Variants in PTPRE observed in about 807,000 individuals in gnomAD.
PTPRE encodes receptor-type tyrosine-protein phosphatase epsilon.
PTPRE carries 51 observed loss-of-function variants against 102.0 expected under a neutral mutation model. The ratio of observed to expected loss-of-function variants is 0.50; its 90% confidence interval spans 0.40 to 0.63. The LOEUF (loss-of-function observed/expected upper bound fraction) is 0.63, where lower values mean the gene tolerates loss of function less well. Among genes scored for constraint, PTPRE ranks in the 30% least tolerant of loss-of-function variants. The pLI is 0.00. For missense variants in PTPRE, 752 were observed against 915.1 expected (o/e 0.82, Z 2.30); for synonymous variants, 345 against 348.2 (o/e 0.99, Z 0.10).
intron 1 of PTPRE, among the ~76,000 whole-genome samples, chr10:127,930,307 G>A (rs1293572197): frequency 6.6e-6 from 1 of 151,904 alleles, no homozygotes; most frequent in Non-Finnish European, 1.5e-5. Flanking sequence ...CCCTACCCTG[G>A]TATCCACTGA....
At position 128,022,503 on chromosome 10, in the gene PTPRE, A is replaced by T. The variant is rs1333129478; in HGVS notation, c.-7-18372A>T. On this transcript the variant is annotated intron_variant, in intron 2 of 20. Coordinates refer to ENST00000254667, the MANE Select transcript of PTPRE (RefSeq NM_006504.6). ...CCAGGGCCTGGCCTGCCCCGTGCTG[A>T]CTCCCCCAGTGAGAGGGAGGCACAC... Among the ~76,000 whole-genome samples the T allele has an allele frequency of 2.6e-5, 4 of 151,402 alleles. No homozygotes were observed. In the East Asian group the frequency reaches 5.9e-4, roughly 22 times the overall value.
chr10:128,082,195 C>CTCTCTCT (rs1554951767), intron 20 of PTPRE, among the ~76,000 whole-genome samples: 3 of 89,036 alleles, frequency 3.4e-5, no homozygotes, highest in Non-Finnish European at 6.5e-5. Flanking sequence ...TTTTCTCTTT[C>CTCTCTCT]TTTTTTTTTT....
intron 2 of PTPRE, among the ~76,000 whole-genome samples, chr10:128,029,414 G>A (rs1260192000): frequency 6.6e-6 from 1 of 152,164 alleles, no homozygotes; most frequent in Non-Finnish European, 1.5e-5. Context: ...CAGAAGAGTC[G>A]CCAGCCCATG....
intron 2 of PTPRE, among the ~76,000 whole-genome samples, chr10:128,030,653 T>C (rs1289500382): frequency 1.3e-5 from 2 of 152,090 alleles, no homozygotes; most frequent in Non-Finnish European, 2.9e-5. Context: ...AGAGTTGGCC[T>C]CTGCTTTGAG....
Position 128,077,749 on chromosome 10 carries a change from C to T in PTPRE, c.1858C>T (p.Gln620Ter). The T allele has an allele frequency of 1.2e-6, 2 of 1,607,524 alleles. No homozygotes were observed. Among genetic ancestry groups the T allele is most frequent in the South Asian group, 1.1e-5 (1 of 90,910 alleles). The change falls in exon 19 of 21, where the codon CAG (glutamine) becomes TAG (stop). Residue 620 changes from glutamine to a stop codon, truncating the protein, a stop_gained. Coordinates refer to ENST00000254667, the MANE Select transcript of PTPRE (RefSeq NM_006504.6). LOFTEE classifies it high-confidence loss of function. ...CGCAGCCGTGCAGAAGCAGCAGCAG[C>T]AGACAGGCAACCACCCCATCACCGT... is the stretch of plus-strand genomic sequence containing the variant. Reference protein sequence around the residue: ...LIAAVQKQQQQTGNHPITVHC... With the variant: ...LIAAVQKQQQ
chr10:128,002,228 T>C (rs1158675534), intron 2 of PTPRE, among the ~76,000 whole-genome samples: 1 of 152,216 alleles, frequency 6.6e-6, no homozygotes, highest in Non-Finnish European at 1.5e-5. Context: ...CAGCTGACCC[T>C]GGACTGCTCC....
intron 1 of PTPRE, among the ~76,000 whole-genome samples, chr10:127,954,562 C>T (rs1378036393): frequency 2.0e-5 from 3 of 152,118 alleles, no homozygotes; most frequent in Non-Finnish European, 4.4e-5. Context: ...GGCTCATGCT[C>T]GTGGAATTCA....
rs192086187 is a variant in PTPRE, at chr10:128,075,352, G to T, written c.1600-1251G>T. On this transcript the variant is annotated intron_variant, in intron 17 of 20. Coordinates refer to ENST00000254667, the MANE Select transcript of PTPRE (RefSeq NM_006504.6). ...AGTTTTGTTACATAGGTATACATGT[G>T]CATGGTAGTTTGCTGCACCTGTCAA... 3.9e-5 allele frequency among the ~76,000 whole-genome samples: 6 copies of T among 152,266 alleles called. No individual in the cohort carries two copies. The East Asian group carries it at 1.2e-3, about 29-fold the overall frequency.
At chr10:128,064,940 G>A (rs1849930983) in intron 10 of PTPRE, among the ~76,000 whole-genome samples, 1 of 152,200 alleles carries the variant, frequency 6.6e-6, no homozygotes, top group Non-Finnish European at 1.5e-5. Flanking sequence ...CACCAACACT[G>A]AGCCCTTGAG....
At position 128,063,138 on chromosome 10, in the gene PTPRE, T is replaced by C; in HGVS notation, c.681T>C (p.Ser227=). 6.2e-7 allele frequency: 1 copy of C among 1,614,216 alleles called. No individual in the cohort carries two copies. Among genetic ancestry groups the C allele is most frequent in the African/African-American group, 1.3e-5 (1 of 75,058 alleles). The change falls in exon 10 of 21, where the codon TCT becomes TCC. Residue 227 remains serine (S), a synonymous_variant. Transcript: ENST00000254667. ...GGAGAATGGTCTGGGAGCAAAAGTCTGCGACCATCGTCATGTTAACAAACT... is the reference window on the plus strand; with the variant it reads ...GGAGAATGGTCTGGGAGCAAAAGTCCGCGACCATCGTCATGTTAACAAACT... ...DFWRMVWEQK[S]ATIVMLTNLK...
At chr10:128,078,439 A>G (rs1416636132) in intron 19 of PTPRE, among the ~76,000 whole-genome samples, 1 of 152,206 alleles carries the variant, frequency 6.6e-6, no homozygotes, top group East Asian at 1.9e-4. Flanking sequence ...CCTGCTGCAC[A>G]CTTCTGCTGG....
intron 1 of PTPRE, among the ~76,000 whole-genome samples, chr10:127,917,824 G>A (rs567571849): frequency 3.7e-4 from 56 of 152,092 alleles, no homozygotes; most frequent in Admixed American, 9.2e-4. Flanking sequence ...GAGGTCAGGA[G>A]TTCACAACTA....
chr10:128,042,563 G>A (rs1330929266), intron 3 of PTPRE, among the ~76,000 whole-genome samples: 8 of 152,176 alleles, frequency 5.3e-5, no homozygotes. Flanking sequence ...AGGGAAATGG[G>A]CCTCGGGTTA....
At chr10:128,065,647 G>A (rs533279626) in intron 10 of PTPRE, among the ~76,000 whole-genome samples, 1 of 152,282 alleles carries the variant, frequency 6.6e-6, no homozygotes, top group Admixed American at 6.5e-5. Flanking sequence ...TTAGTGAACT[G>A]AGCAGGAAAA....
chr10:128,069,835 A>G lies in PTPRE; in HGVS notation c.1143+8A>G, dbSNP rs143308236. 4 of 1,614,262 alleles carry G rather than the reference A, an allele frequency of 2.5e-6. No individual in the cohort carries two copies. Among genetic ancestry groups the G allele is most frequent in the Non-Finnish European group, 3.4e-6 (4 of 1,180,050 alleles). On this transcript the variant is annotated splice_region_variant and intron_variant, in intron 13 of 20. Transcript: ENST00000254667. ...CAGATGGTTCAAACGGATGTGAGTC[A>G]TGCCTTCCTCTTGCCCTGATCTAGC...
intron 2 of PTPRE, among the ~76,000 whole-genome samples, chr10:128,005,637 G>T (rs1246426236): frequency 6.6e-6 from 1 of 152,244 alleles, no homozygotes; most frequent in East Asian, 1.9e-4. Flanking sequence ...ACACCTCTGG[G>T]CGTCCCCGAG....
intron 2 of PTPRE, chr10:127,999,473 T>G (rs1219649233): frequency 2.2e-6 from 2 of 921,916 alleles, no homozygotes; most frequent in African/African-American, 1.8e-5. Flanking sequence ...TGAATCCAAC[T>G]CGTCCTGGGA....
chr10:127,984,243 G>T (rs1382863325), intron 2 of PTPRE, among the ~76,000 whole-genome samples: 1 of 151,774 alleles, frequency 6.6e-6, no homozygotes, highest in Non-Finnish European at 1.5e-5. Context: ...CACCATGTCT[G>T]GCTAATTTTG....
intron 1 of PTPRE, among the ~76,000 whole-genome samples, chr10:127,921,832 G>T (rs907300923): frequency 2.6e-5 from 4 of 152,306 alleles, no homozygotes; most frequent in Admixed American, 6.5e-5. Flanking sequence ...CCCAGAATGA[G>T]GTCAGGACTT....
Sources: allele counts gnomAD v4.1 joint callset (sites outside exome capture counted in the v4.1 genomes callset), GRCh38; gene constraint gnomAD v4.1.1; transcripts MANE v1.5; gene names NCBI Gene and HGNC (gene_info 2026-07-23, HGNC 2026-07-21).